Variants in PRKCZ observed in about 807,000 individuals in gnomAD.
PRKCZ encodes protein kinase C zeta type.
Under a neutral mutation model 79.5 loss-of-function variants are expected in PRKCZ, and 33 were observed. The ratio of observed to expected loss-of-function variants is 0.41; its 90% CI spans 0.31 to 0.55. The LOEUF is 0.55. PRKCZ is among the 20% of genes least tolerant of loss of function. The probability of loss-of-function intolerance (pLI) is 0.19; values close to 1 mark genes in which losing one functional copy is unlikely to be tolerated. For synonymous variants in PRKCZ, 342 were observed against 320.9 expected (o/e 1.07, Z -0.70); for missense variants, 578 against 813.5 (o/e 0.71, Z 3.52).
At chr1:2,105,929 C>A (rs558590172) in intron 4 of PRKCZ, among the ~76,000 whole-genome samples, 1 of 152,202 alleles carries the variant, frequency 6.6e-6, no homozygotes, top group Non-Finnish European at 1.5e-5. Context: ...GCCCCACCCC[C>A]CCACACACAC....
intron 11 of PRKCZ, among the ~76,000 whole-genome samples, chr1:2,170,651 C>T (rs763844870): frequency 1.3e-5 from 2 of 152,242 alleles, no homozygotes; most frequent in African/African-American, 2.4e-5. Context: ...CCCTGTCCCC[C>T]GCCCCAGCCT....
At chr1:2,162,894 G>GT (rs1427827086) in intron 10 of PRKCZ, among the ~76,000 whole-genome samples, 2 of 151,528 alleles carry the variant, frequency 1.3e-5, no homozygotes, top group Non-Finnish European at 2.9e-5. Context: ...TCTCTTCCTT[G>GT]TAGTAACTTT....
At chr1:2,114,569 T>C (rs1571495762) in intron 4 of PRKCZ, among the ~76,000 whole-genome samples, 1 of 150,804 alleles carries the variant, frequency 6.6e-6, no homozygotes, top group East Asian at 2.0e-4. Flanking sequence ...AGGTCAGGAG[T>C]TTGAGACCAT....
intron 4 of PRKCZ, among the ~76,000 whole-genome samples, chr1:2,098,831 A>C (rs191100654): frequency 6.6e-6 from 1 of 152,000 alleles, no homozygotes; most frequent in African/African-American, 2.4e-5. Flanking sequence ...ACAGGCGCCC[A>C]CCACCACAGT....
In PRKCZ at chr1:2,149,730, A is replaced by C. The variant is rs900190654; in HGVS notation, c.687+806A>C. ...AAAATAATTAGCTGGGCATGGTGGCACGGGCCTGTGGTCCTAGCTGCTTGG... is the reference window on the plus strand; with the variant it reads ...AAAATAATTAGCTGGGCATGGTGGCCCGGGCCTGTGGTCCTAGCTGCTTGG... On this transcript the variant is annotated intron_variant, in intron 8 of 17. Transcript: ENST00000378567. The surrounding 1 kb of genome is among the most constrained non-coding windows in gnomAD (Gnocchi z 4.1). Among the ~76,000 whole-genome samples, 1 of 152,106 alleles carries C rather than the reference A, an allele frequency of 6.6e-6. No individual in the cohort carries two copies. The highest frequency in any genetic ancestry group is 1.5e-5 in the Non-Finnish European group (1 of 68,004).
At chr1:2,156,157 G>A (rs547572778) in intron 10 of PRKCZ, 65 bp downstream of exon 10, 3 of 1,468,654 alleles carry the variant, frequency 2.0e-6, no homozygotes, top group East Asian at 2.3e-5. Flanking sequence ...CAGAAGCTAA[G>A]TCTGGTGTGA....
At chr1:2,158,042 C>T (rs1340776098) in intron 10 of PRKCZ, among the ~76,000 whole-genome samples, 1 of 152,050 alleles carries the variant, frequency 6.6e-6, no homozygotes, top group Non-Finnish European at 1.5e-5. Flanking sequence ...CTCCTGACCG[C>T]AGGGTCCTGC....
intron 4 of PRKCZ, among the ~76,000 whole-genome samples, chr1:2,110,658 C>G (rs763164238): frequency 7.9e-5 from 12 of 152,118 alleles, no homozygotes; most frequent in Non-Finnish European, 1.6e-4. Context: ...CATCGCTGGC[C>G]CAGGGAATGG....
At chr1:2,055,796 T>G in intron 2 of PRKCZ, 1 of 517,094 alleles carries the variant, frequency 1.9e-6, no homozygotes, top group South Asian at 3.1e-5. Flanking sequence ...TTGAACTGCC[T>G]GCAGGGGGTC....
intron 10 of PRKCZ, among the ~76,000 whole-genome samples, chr1:2,159,783 C>G (rs1681849021): frequency 6.6e-6 from 1 of 152,208 alleles, no homozygotes; most frequent in African/African-American, 2.4e-5. Context: ...TACCCCATAT[C>G]TACACAGACA....
Position 2,149,940 on chromosome 1 carries a change from C to T in PRKCZ, c.688-850C>T, listed in dbSNP as rs909076749. Reference sequence around the variant, plus strand: ...TTGGGAAGCTGAGGCGGGCAGATCACGAGGTCAGGAGATGGAGACCATCCT... The same window carrying T: ...TTGGGAAGCTGAGGCGGGCAGATCATGAGGTCAGGAGATGGAGACCATCCT... On this transcript the variant is annotated intron_variant, in intron 8 of 17. Transcript: ENST00000378567. This position sits in a 1 kb window ranked among gnomAD's most constrained non-coding sequence, Gnocchi z 4.1. Among the ~76,000 whole-genome samples the T allele has an allele frequency of 3.3e-5, 5 of 150,808 alleles. No individual in the cohort carries two copies. The East Asian group carries it at 7.9e-4, about 24-fold the overall frequency.
chr1:2,086,248 A>T (rs1664504899), intron 4 of PRKCZ, among the ~76,000 whole-genome samples: 1 of 151,706 alleles, frequency 6.6e-6, no homozygotes, highest in African/African-American at 2.4e-5. Flanking sequence ...TTTGATAGAG[A>T]CAGGGTTTCT....
intron 16 of PRKCZ, among the ~76,000 whole-genome samples, chr1:2,183,301 C>T (rs1687003629): frequency 6.6e-6 from 1 of 151,646 alleles, no homozygotes; most frequent in Non-Finnish European, 1.5e-5. Context: ...GAGACTGAGG[C>T]AGGAGAATAG....
At chr1:2,146,434 G>C (rs1678539433) in intron 7 of PRKCZ, among the ~76,000 whole-genome samples, 1 of 152,224 alleles carries the variant, frequency 6.6e-6, no homozygotes, top group African/African-American at 2.4e-5. Flanking sequence ...TAGTGCAGCA[G>C]CCACCATGGC....
chr1:2,097,417 T>C (rs917117117), intron 4 of PRKCZ, among the ~76,000 whole-genome samples: 1 of 152,178 alleles, frequency 6.6e-6, no homozygotes, highest in African/African-American at 2.4e-5. Context: ...AGTGCCCCCC[T>C]GTGCTCTCAG....
intron 3 of PRKCZ, among the ~76,000 whole-genome samples, chr1:2,056,874 G>A (rs2803315): frequency 1.3e-5 from 2 of 151,258 alleles, no homozygotes; most frequent in Non-Finnish European, 2.9e-5. Flanking sequence ...GACTACAGGC[G>A]CCCGCCACCA....
At chr1:2,053,397 C>G (rs1433363534) in intron 1 of PRKCZ, among the ~76,000 whole-genome samples, 1 of 152,234 alleles carries the variant, frequency 6.6e-6, no homozygotes, top group Non-Finnish European at 1.5e-5. Context: ...CCGCGCCTGG[C>G]CCAGCTCAGA....
chr1:2,173,746 T>C lies in PRKCZ; in HGVS notation c.1286-151T>C. The C allele has an allele frequency of 8.6e-7, 1 of 1,161,262 alleles. No individual in the cohort carries two copies. Among genetic ancestry groups the C allele is most frequent in the Non-Finnish European group, 1.2e-6 (1 of 849,226 alleles). 71.9% of individuals were successfully genotyped at this position (1,161,262 alleles called of 1,614,324 possible). On this transcript the variant is annotated intron_variant, in intron 13 of 17. Transcript: ENST00000378567. This position sits in a 1 kb window ranked among gnomAD's most constrained non-coding sequence, Gnocchi z 5.7. The stretch of plus-strand genomic sequence containing the variant: ...GCCAGGTGGAGGTGCTGGTTCTGTT[T>C]GGGAAGTGGAAGTCACAGAGGCCTG...
At chr1:2,163,798 C>G (rs1216955796) in intron 10 of PRKCZ, among the ~76,000 whole-genome samples, 1 of 151,688 alleles carries the variant, frequency 6.6e-6, no homozygotes, top group Non-Finnish European at 1.5e-5. Flanking sequence ...ACTTGGGAGG[C>G]TGAGGCAGGA....
Sources: gnomAD v4.1 joint callset for allele counts (sites outside exome capture counted in the v4.1 genomes callset) on GRCh38, gnomAD v4.1.1 for gene constraint, Gnocchi (gnomAD v3.1) non-coding constraint, MANE v1.5 for transcripts, NCBI Gene and HGNC (gene_info 2026-07-23, HGNC 2026-07-21) for gene names.